ZNF568: variants seen among roughly 807,000 people sequenced by gnomAD.
The protein encoded by ZNF568 is p53 inhibitor of SCO2 activation.
Under a neutral mutation model 18.1 loss-of-function variants are expected in ZNF568, and 11 were observed. The ratio of observed to expected loss-of-function variants is 0.61; its 90% CI spans 0.38 to 1.00. The LOEUF is 1.00. Among genes scored for constraint, ZNF568 ranks in the 50% least tolerant of loss-of-function variants. The pLI, the probability that ZNF568 is intolerant of heterozygous loss-of-function variation, is 0.01. For missense variants in ZNF568, 639 were observed against 768.2 expected (o/e 0.83, Z 1.99); for synonymous variants, 213 against 246.6 (o/e 0.86, Z 1.28).
chr19:36,936,731 A>G lies in ZNF568; in HGVS notation c.136-15A>G, dbSNP rs776972331. 1.9e-6 allele frequency: 3 copies of G among 1,609,210 alleles called. No homozygotes were observed. The South Asian group carries it at 3.3e-5, about 18-fold the overall frequency. Reference sequence around the variant, plus strand: ...TTTTGATGACTTCAAATTAATTAGCATTATGTTTTTACAGGAAACAGTGAC... The same window carrying G: ...TTTTGATGACTTCAAATTAATTAGCGTTATGTTTTTACAGGAAACAGTGAC... On this transcript the variant is annotated splice_polypyrimidine_tract_variant and intron_variant, in intron 4 of 6. Transcript: ENST00000333987.
At chr19:36,918,074 G>A (rs1203253749) in intron 2 of ZNF568, among the ~76,000 whole-genome samples, 2 of 151,972 alleles carry the variant, frequency 1.3e-5, no homozygotes, top group African/African-American at 4.8e-5. Flanking sequence ...TCAGCCTCCC[G>A]AGTAGCTGGG....
chr19:36,940,388 C>A (rs555161090), intron 6 of ZNF568, among the ~76,000 whole-genome samples: 1 of 152,180 alleles, frequency 6.6e-6, no homozygotes, highest in African/African-American at 2.4e-5. Flanking sequence ...TTCTATTACA[C>A]GTCTACCAGA....
intron 2 of ZNF568, among the ~76,000 whole-genome samples, chr19:36,922,048 A>G (rs986085033): frequency 3.9e-5 from 6 of 152,208 alleles, no homozygotes; most frequent in Non-Finnish European, 7.3e-5. Context: ...GTTTGAGGCT[A>G]TATTATCTAT....
chr19:36,989,153 T>A (rs1238583677), intron 2 of ZNF568, among the ~76,000 whole-genome samples: 1 of 152,206 alleles, frequency 6.6e-6, no homozygotes, highest in Non-Finnish European at 1.5e-5. Context: ...CCCATTCCAG[T>A]CAGTAATGCT....
chr19:36,980,490 C>T (rs2074322574), downstream of ZNF568, among the ~76,000 whole-genome samples: 1 of 152,102 alleles, frequency 6.6e-6, no homozygotes, highest in Non-Finnish European at 1.5e-5. Flanking sequence ...CACTCAGACA[C>T]CAGCTACAAC....
intron 7 of ZNF568, among the ~76,000 whole-genome samples, chr19:36,974,920 C>G (rs753435751): frequency 1.4e-5 from 2 of 146,954 alleles, no homozygotes; most frequent in Non-Finnish European, 3.0e-5. Context: ...TCCGCCTCCT[C>G]GGTTCTAGTG....
downstream of ZNF568, among the ~76,000 whole-genome samples, chr19:36,984,694 T>C (rs2146343851): frequency 6.6e-6 from 1 of 152,238 alleles, no homozygotes; most frequent in Admixed American, 6.5e-5. Flanking sequence ...GTTTGTTTTT[T>C]TTTTAACATC....
At chr19:36,931,979 T>C (rs1242252820) in intron 4 of ZNF568, among the ~76,000 whole-genome samples, 1 of 152,148 alleles carries the variant, frequency 6.6e-6, no homozygotes, top group Non-Finnish European at 1.5e-5. Context: ...GTAAATTGAG[T>C]CATATGATAA....
At chr19:36,983,497 T>C (rs549760936), downstream of ZNF568, among the ~76,000 whole-genome samples, 140 of 152,312 alleles carry the variant, frequency 9.2e-4, no homozygotes, top group Non-Finnish European at 1.6e-3. Flanking sequence ...TTCTCTTTTG[T>C]TAAGGTCCAG....
Position 36,937,244 on chromosome 19 carries a change from T to C in ZNF568, c.358+2T>C. The C allele has an allele frequency of 6.2e-7, 1 of 1,612,508 alleles. No homozygotes were observed. Among genetic ancestry groups the C allele is most frequent in the South Asian group, 1.1e-5 (1 of 90,954 alleles). The stretch of plus-strand genomic sequence containing the variant: ...AAATGTTTGGGAGGCACTGTCCAGG[T>C]GAATAAGTGAAAAGCAGCTCTGAAT... On this transcript the variant is annotated splice_donor_variant, in intron 6 of 6. Transcript: ENST00000333987. LOFTEE classifies it high-confidence loss of function.
chr19:36,918,600 A>G (rs1346752164), intron 2 of ZNF568, among the ~76,000 whole-genome samples: 6 of 152,174 alleles, frequency 3.9e-5, no homozygotes, highest in Non-Finnish European at 1.5e-5. Flanking sequence ...AGGACCAACT[A>G]TGTATACACA....
At chr19:36,931,726 CTT>C (rs1031803940) in intron 4 of ZNF568, 1 of 152,050 alleles carries the variant, frequency 6.6e-6, no homozygotes, top group African/African-American at 2.4e-5. Context: ...CTTAAAAAAA[CTT>C]TATTAACATA....
intron 6 of ZNF568, among the ~76,000 whole-genome samples, chr19:36,948,658 A>ATTTTTTTTGTTTTTTTTT (rs2074004754): frequency 2.4e-5 from 2 of 83,576 alleles, no homozygotes; most frequent in Non-Finnish European, 4.4e-5. Context: ...TTTGTTGTTG[A>ATTTTTTTTGTTTTTTTTT]TTTTTTTTTT....
intron 6 of ZNF568, among the ~76,000 whole-genome samples, chr19:36,942,606 AAAAAAAAAAAAG>A (rs1266796153): frequency 6.7e-6 from 1 of 148,376 alleles, no homozygotes; most frequent in South Asian, 2.2e-4. Flanking sequence ...CTCAAAAAAA[AAAAAAAAAAAAG>A]AAGAATAGAG....
chr19:36,938,947 C>A lies in ZNF568; in HGVS notation c.358+1705C>A, dbSNP rs144951797. 2.2e-3 allele frequency among the ~76,000 whole-genome samples: 342 copies of A among 152,180 alleles called. 2 individuals carry two copies. Among genetic ancestry groups the A allele is most frequent in the African/African-American group, 8.0e-3 (334 of 41,518 alleles). Reference sequence around the variant, plus strand: ...CGTCATATAGATTTCATGCTCGTTTCTTTTGTGGTTATCATTGTCATCTTT... The same window carrying A: ...CGTCATATAGATTTCATGCTCGTTTATTTTGTGGTTATCATTGTCATCTTT... On this transcript the variant is annotated intron_variant, in intron 6 of 6. Coordinates refer to ENST00000333987, the MANE Select transcript of ZNF568 (RefSeq NM_198539.4).
intron 2 of ZNF568, among the ~76,000 whole-genome samples, chr19:36,988,449 C>G (rs2074395571): frequency 6.6e-6 from 1 of 152,158 alleles, no homozygotes; most frequent in Non-Finnish European, 1.5e-5. Flanking sequence ...AGGAAACTTA[C>G]CATCCTGGTA....
chr19:36,981,193 T>C (rs1177309828), downstream of ZNF568, among the ~76,000 whole-genome samples: 1 of 152,226 alleles, frequency 6.6e-6, no homozygotes, highest in Non-Finnish European at 1.5e-5. Context: ...TGTCCGTCCG[T>C]TTGTCTATTT....
At chr19:36,938,045 ACTGT>A (rs1438962949) in intron 6 of ZNF568, among the ~76,000 whole-genome samples, 1 of 152,102 alleles carries the variant, frequency 6.6e-6, no homozygotes, top group African/African-American at 2.4e-5. Context: ...TTTAGACTAA[ACTGT>A]CTATTTCCAG....
At chr19:36,927,860 GTATATATA>G (rs1219440874) in intron 4 of ZNF568, among the ~76,000 whole-genome samples, 6 of 32,128 alleles carry the variant, frequency 1.9e-4, no homozygotes, top group Non-Finnish European at 2.5e-4. Context: ...GTGTGTGTGT[GTATATATA>G]TATATATATA....
Sources: gnomAD v4.1 joint callset for allele counts (sites outside exome capture counted in the v4.1 genomes callset) on GRCh38, gnomAD v4.1.1 for gene constraint, MANE v1.5 for transcripts, NCBI Gene and HGNC (gene_info 2026-07-23, HGNC 2026-07-21) for gene names.